The following CFAP90 variants were observed in gnomAD, a reference collection of about 807,000 sequenced individuals.
CFAP90 encodes cilia and flagella associated protein 90.
chr5:7,846,872 G>A, the CFAP90 span, among the ~76,000 whole-genome samples: 3 of 152,052 alleles, frequency 2.0e-5, no homozygotes, highest in Non-Finnish European at 4.4e-5. Context: ...TCAGCCTCCC[G>A]AGTAGCTGAG....
the CFAP90 span, among the ~76,000 whole-genome samples, chr5:7,839,469 T>C: frequency 2.0e-5 from 3 of 152,222 alleles, no homozygotes; most frequent in Non-Finnish European, 4.4e-5. Flanking sequence ...AGAAAAACTC[T>C]GAAGAAGGAA....
the CFAP90 span, among the ~76,000 whole-genome samples, chr5:7,835,958 G>A: frequency 3.3e-5 from 5 of 152,178 alleles, no homozygotes; most frequent in Non-Finnish European, 5.9e-5. Context: ...AAGGCCCTGT[G>A]AGATTGGGTG....
chr5:7,838,763 G>A, the CFAP90 span, among the ~76,000 whole-genome samples: 1 of 152,116 alleles, frequency 6.6e-6, no homozygotes, highest in South Asian at 2.1e-4. Flanking sequence ...AGTGTACAAC[G>A]TGAAGACCTA....
the CFAP90 span, among the ~76,000 whole-genome samples, chr5:7,840,747 T>G: frequency 6.6e-6 from 1 of 152,142 alleles, no homozygotes; most frequent in Non-Finnish European, 1.5e-5. Flanking sequence ...AATAAGGTAA[T>G]TGAAGATATA....
chr5:7,842,946 T>G, the CFAP90 span, among the ~76,000 whole-genome samples: 1 of 152,146 alleles, frequency 6.6e-6, no homozygotes, highest in African/African-American at 2.4e-5. Flanking sequence ...CACCGGCGGT[T>G]AAGACTTTTT....
At chr5:7,835,508 A>G in the CFAP90 span, 1 of 1,476,968 alleles carries the variant, frequency 6.8e-7, no homozygotes, top group Non-Finnish European at 9.3e-7. Flanking sequence ...TCTAGGAAAA[A>G]AAAGAGAAAG....
At chr5:7,835,584 C>T in the CFAP90 span, 64 of 751,976 alleles carry the variant, frequency 8.5e-5, no homozygotes, top group Non-Finnish European at 8.9e-6. Context: ...CCAGTTCTTT[C>T]CCAAGGGAGG....
At chr5:7,837,037 T>C in the CFAP90 span, among the ~76,000 whole-genome samples, 2 of 152,164 alleles carry the variant, frequency 1.3e-5, no homozygotes, top group Non-Finnish European at 2.9e-5. Flanking sequence ...AAGTATTTTT[T>C]CTTTAATCAT....
the CFAP90 span, among the ~76,000 whole-genome samples, chr5:7,834,414 T>C: frequency 0.056 from 8,507 of 152,250 alleles, 603 homozygotes; most frequent in African/African-American, 0.16. Flanking sequence ...TCATAAAAGT[T>C]TTTAAAATTA....
the CFAP90 span, among the ~76,000 whole-genome samples, chr5:7,839,971 C>CT: frequency 3.3e-5 from 5 of 151,644 alleles, no homozygotes; most frequent in East Asian, 3.9e-4. Flanking sequence ...ATTAATCTTT[C>CT]TTTTTTTTTC....
the CFAP90 span, among the ~76,000 whole-genome samples, chr5:7,850,130 G>A: frequency 6.6e-6 from 1 of 152,222 alleles, no homozygotes; most frequent in Non-Finnish European, 1.5e-5. Flanking sequence ...ACACCCATTC[G>A]CGCACCCGGC....
At chr5:7,845,391 ACAGT>A in the CFAP90 span, among the ~76,000 whole-genome samples, 1 of 152,200 alleles carries the variant, frequency 6.6e-6, no homozygotes, top group African/African-American at 2.4e-5. Flanking sequence ...GCATAAAGAA[ACAGT>A]CAGCTTCTGT....
chr5:7,840,394 T>C, the CFAP90 span, among the ~76,000 whole-genome samples: 1 of 152,122 alleles, frequency 6.6e-6, no homozygotes, highest in Non-Finnish European at 1.5e-5. Flanking sequence ...TGCAAGACAC[T>C]ATGCCAGGCT....
the CFAP90 span, among the ~76,000 whole-genome samples, chr5:7,833,349 A>C: frequency 1.4e-5 from 2 of 148,142 alleles, no homozygotes; most frequent in African/African-American, 5.0e-5. Context: ...TGTGCATGAT[A>C]TATACATGTA....
the CFAP90 span, among the ~76,000 whole-genome samples, chr5:7,838,629 G>A: frequency 2.3e-3 from 357 of 152,200 alleles, 3 homozygotes; most frequent in East Asian, 0.01. Flanking sequence ...CCCCACATAC[G>A]CCCAATATTT....
the CFAP90 span, among the ~76,000 whole-genome samples, chr5:7,834,231 A>C: frequency 3.9e-5 from 6 of 152,092 alleles, no homozygotes; most frequent in Non-Finnish European, 7.4e-5. Flanking sequence ...AGTGATACTG[A>C]TGATCCTGAC....
the CFAP90 span, among the ~76,000 whole-genome samples, chr5:7,841,836 C>T: frequency 4.3e-4 from 66 of 152,124 alleles, no homozygotes; most frequent in Middle Eastern, 3.4e-3. Context: ...GAGGACGGGA[C>T]GTGGGAAGAG....
At chr5:7,850,813 CA>C in the CFAP90 span, 6 of 1,218,358 alleles carry the variant, frequency 4.9e-6, no homozygotes, top group Non-Finnish European at 6.1e-6. Context: ...CCCAGCCGCC[CA>C]GCCGCCCAGC....
the CFAP90 span, among the ~76,000 whole-genome samples, chr5:7,846,828 C>A: frequency 2.0e-3 from 311 of 152,290 alleles, no homozygotes; most frequent in African/African-American, 7.0e-3. Flanking sequence ...CTCACTGCAA[C>A]TTCAATCTCC....
Sources: allele counts gnomAD v4.1 joint callset (sites outside exome capture counted in the v4.1 genomes callset), GRCh38; gene constraint gnomAD v4.1.1; transcripts MANE v1.5; gene names NCBI Gene and HGNC (gene_info 2026-07-23, HGNC 2026-07-21).